Variants in TRMT11 observed in about 807,000 individuals in gnomAD.
The protein encoded by TRMT11 is tRNA methyltransferase 11.
TRMT11 carries 53 observed loss-of-function variants against 62.8 expected under a neutral mutation model. The observed-to-expected ratio is 0.84, with a 90% CI of 0.68 to 1.06. The LOEUF is 1.06. TRMT11 is among the 50% of genes least tolerant of loss of function. The pLI is 0.00. For missense variants in TRMT11, 556 were observed against 553.4 expected, an observed-to-expected ratio of 1.00 and a Z score of -0.05; for synonymous variants, 188 against 190.3, an observed-to-expected ratio of 0.99 and a Z score of 0.10.
At chr6:126,247,746 T>C in the TRMT11 span, among the ~76,000 whole-genome samples, 3 of 151,508 alleles carry the variant, frequency 2.0e-5, no homozygotes, top group Admixed American at 2.0e-4. Flanking sequence ...AGAAGTAAAG[T>C]TTAAAGTCTT....
At chr6:126,059,866 T>C (rs1302958399) in intron 17 of TRMT11, among the ~76,000 whole-genome samples, 1 of 152,200 alleles carries the variant, frequency 6.6e-6, no homozygotes, top group Non-Finnish European at 1.5e-5. Context: ...TAGTGTCTGG[T>C]TGAATGAAAT....
chr6:126,180,801 G>C (rs1451980616), intron 1 of TRMT11, among the ~76,000 whole-genome samples: 1 of 152,146 alleles, frequency 6.6e-6, no homozygotes, highest in African/African-American at 2.4e-5. Context: ...TACTCTGACT[G>C]CTAAAGTTCT....
chr6:126,228,894 G>T, the TRMT11 span, among the ~76,000 whole-genome samples: 2 of 152,068 alleles, frequency 1.3e-5, no homozygotes, highest in Non-Finnish European at 2.9e-5. Context: ...TCTTGGTTTC[G>T]CTCTAAGATG....
At chr6:126,162,981 A>G (rs1211508153) in intron 21 of TRMT11, among the ~76,000 whole-genome samples, 1 of 152,162 alleles carries the variant, frequency 6.6e-6, no homozygotes, top group Non-Finnish European at 1.5e-5. Context: ...GGTTTTCTGA[A>G]TATACAATCA....
At chr6:125,996,476 G>T (rs1791532022) in intron 3 of TRMT11, among the ~76,000 whole-genome samples, 1 of 152,190 alleles carries the variant, frequency 6.6e-6, no homozygotes, top group Non-Finnish European at 1.5e-5. Context: ...TCAGTTGGTA[G>T]AGAAAATAAT....
the TRMT11 span, among the ~76,000 whole-genome samples, chr6:126,231,698 G>C: frequency 6.6e-6 from 1 of 152,092 alleles, no homozygotes; most frequent in Non-Finnish European, 1.5e-5. Context: ...TCTTACCTTG[G>C]GATACTTTGC....
the TRMT11 span, among the ~76,000 whole-genome samples, chr6:126,227,597 T>C: frequency 1.3e-5 from 2 of 152,160 alleles, no homozygotes; most frequent in African/African-American, 2.4e-5. Flanking sequence ...AATCCCACTT[T>C]CCCTAAATTA....
At chr6:126,197,085 G>T (rs1375501585) in intron 1 of TRMT11, among the ~76,000 whole-genome samples, 3 of 152,212 alleles carry the variant, frequency 2.0e-5, no homozygotes, top group Non-Finnish European at 2.9e-5. Context: ...TCTGTCTGTT[G>T]TCTATTTATT....
the TRMT11 span, among the ~76,000 whole-genome samples, chr6:126,237,586 G>A: frequency 5.9e-5 from 9 of 152,002 alleles, no homozygotes; most frequent in African/African-American, 2.2e-4. Flanking sequence ...GAGGCTGAGG[G>A]GGGAGGATCA....
chr6:126,192,268 A>G (rs992655065), intron 1 of TRMT11, among the ~76,000 whole-genome samples: 2 of 152,070 alleles, frequency 1.3e-5, no homozygotes, highest in African/African-American at 4.8e-5. Context: ...AATAGAAACT[A>G]TTGATTTTTG....
the TRMT11 span, among the ~76,000 whole-genome samples, chr6:126,237,315 C>T: frequency 4.6e-5 from 7 of 152,116 alleles, no homozygotes; most frequent in Non-Finnish European, 8.8e-5. Context: ...AAATTCTTTC[C>T]GTCTATCTCC....
At chr6:126,226,957 C>G in the TRMT11 span, among the ~76,000 whole-genome samples, 1 of 152,156 alleles carries the variant, frequency 6.6e-6, no homozygotes, top group African/African-American at 2.4e-5. Context: ...AGTTTCCCTG[C>G]ACAAACTCTT....
At chr6:126,004,688 A>T (rs1733141976) in intron 7 of TRMT11, among the ~76,000 whole-genome samples, 1 of 152,020 alleles carries the variant, frequency 6.6e-6, no homozygotes, top group African/African-American at 2.4e-5. Context: ...TTTTAAAAAA[A>T]ATTCATGTGT....
intron 17 of TRMT11, among the ~76,000 whole-genome samples, chr6:126,112,522 C>G (rs1403110623): frequency 6.6e-6 from 1 of 152,132 alleles, no homozygotes; most frequent in Non-Finnish European, 1.5e-5. Flanking sequence ...AGATGCCAGT[C>G]AGGAGTACCT....
the TRMT11 span, among the ~76,000 whole-genome samples, chr6:126,248,262 T>C: frequency 3.9e-5 from 6 of 152,224 alleles, no homozygotes; most frequent in Middle Eastern, 3.4e-3. Flanking sequence ...ATGAGATCAA[T>C]GAAACAGAGT....
At chr6:126,264,315 A>G in the TRMT11 span, among the ~76,000 whole-genome samples, 3 of 151,854 alleles carry the variant, frequency 2.0e-5, no homozygotes, top group Non-Finnish European at 4.4e-5. Flanking sequence ...TGCCAATTAT[A>G]CTTGAGGAAT....
intron 21 of TRMT11, among the ~76,000 whole-genome samples, chr6:126,136,483 C>T (rs1777851573): frequency 6.6e-6 from 1 of 151,534 alleles, no homozygotes; most frequent in Non-Finnish European, 1.5e-5. Flanking sequence ...GCAACTAAAA[C>T]ACTGATGAAA....
intron 17 of TRMT11, among the ~76,000 whole-genome samples, chr6:126,064,583 C>A (rs532159911): frequency 1.3e-5 from 2 of 151,924 alleles, no homozygotes; most frequent in African/African-American, 4.8e-5. Flanking sequence ...AAAGTCACCA[C>A]GAAAGATTAG....
chr6:126,011,521 C>T (rs1794197195), intron 9 of TRMT11, 104 bp downstream of exon 9: 6 of 923,268 alleles, frequency 6.5e-6, no homozygotes, highest in African/African-American at 1.7e-5. Flanking sequence ...GCCAACTTGT[C>T]AGTATTTCTC....
Sources: allele counts gnomAD v4.1 joint callset (sites outside exome capture counted in the v4.1 genomes callset), GRCh38; gene constraint gnomAD v4.1.1; transcripts MANE v1.5; gene names NCBI Gene and HGNC (gene_info 2026-07-23, HGNC 2026-07-21).